The following SMARCC2 variants were observed in gnomAD, a reference collection of about 807,000 sequenced individuals.
SMARCC2 encodes the protein SWI/SNF complex subunit SMARCC2.
In SMARCC2, 15 loss-of-function variants were observed where a neutral mutation model predicts 151.3. The ratio of observed to expected loss-of-function variants is 0.10; its 90% CI spans 0.07 to 0.15. The LOEUF (loss-of-function observed/expected upper bound fraction) is 0.15. SMARCC2 is among the 10% of genes least tolerant of loss of function. The pLI, the probability that SMARCC2 is intolerant of heterozygous loss-of-function variation, is 1.00. For synonymous variants in SMARCC2, 590 were observed against 609.5 expected (o/e 0.97, Z 0.47); for missense variants, 1,031 against 1,599.7 (o/e 0.64, Z 6.06).
rs893741242 is a variant in SMARCC2 at position 56,162,406 on chromosome 12, G to GA, written c.*1282dup. ...TATAAAAAAAAAAAAAAGAAAGAAA[G>GA]AAAAAAAGAGAAAATTTACAGAAAA... On this transcript the variant is annotated 3_prime_UTR_variant, in exon 29 of 29. Coordinates refer to ENST00000550164, the MANE Select transcript of SMARCC2 (RefSeq NM_001330288.2). 4 of 636,002 alleles carry GA rather than the reference G, an allele frequency of 6.3e-6. No homozygotes were observed. In the African/African-American group the frequency reaches 7.5e-5, roughly 12 times the overall value. The allele number at this position is 636,002 out of a possible 1,614,324, so 39.4% of individuals were successfully genotyped here.
intron 15 of SMARCC2, among the ~76,000 whole-genome samples, chr12:56,175,385 G>A (rs1338240216): frequency 6.6e-6 from 1 of 152,220 alleles, no homozygotes; most frequent in African/African-American, 2.4e-5. Context: ...TTAAAAGGAA[G>A]TCCTTATTCA....
chr12:56,163,095 ACGAATGAACT>A lies in SMARCC2; in HGVS notation c.*584_*593del, dbSNP rs1872104075. 6.6e-6 allele frequency: 1 copy of A among 152,114 alleles called. No homozygotes were observed. Among genetic ancestry groups the A allele is most frequent in the African/African-American group, 2.4e-5 (1 of 41,402 alleles). The allele number at this position is 152,114 out of a possible 1,614,324, so 9.4% of individuals were successfully genotyped here. On this transcript the variant is annotated 3_prime_UTR_variant, in exon 29 of 29. Coordinates refer to ENST00000550164, the MANE Select transcript of SMARCC2 (RefSeq NM_001330288.2). ...GGAAGCCGCAGGAGGGATTATTAGT[ACGAATGAACT>A]CGAATAAGCTCAGCGTAGGGTGGGG... is the stretch of plus-strand genomic sequence containing the variant.
At position 56,181,492 on chromosome 12, in the gene SMARCC2, C is replaced by T. The variant is rs758506602; in HGVS notation, c.946G>A (p.Ala316Thr). 9.1e-6 allele frequency: 14 copies of T among 1,532,742 alleles called. 1 individual carries two copies. In the East Asian group the frequency reaches 2.9e-4, roughly 32 times the overall value. 94.9% of individuals were successfully genotyped at this position (1,532,742 alleles called of 1,614,324 possible). The part of the protein sequence containing the change: ...SPTPEAKKKN[A>T]KKGPSTPYTK... ...TAGGGGCTGGCACACCCTTTCTTAG[C>T]ATTTTTCTTCTTTGCTTCTGGGGTT... Residue 316 changes from alanine to threonine, a missense_variant, in exon 10 of 29, where the codon GCT (alanine) becomes ACT (threonine). Around this residue, in one of 12 missense-constraint regions of SMARCC2, gnomAD observed 127 missense variants for 141.7 expected, o/e 0.90. Coordinates refer to ENST00000550164, the MANE Select transcript of SMARCC2 (RefSeq NM_001330288.2).
At chr12:56,173,410 G>C (rs760241058) in intron 17 of SMARCC2, among the ~76,000 whole-genome samples, 2 of 152,118 alleles carry the variant, frequency 1.3e-5, no homozygotes, top group Non-Finnish European at 2.9e-5. Flanking sequence ...AAAATTTCAT[G>C]CAAGTTAATT....
intron 26 of SMARCC2, among the ~76,000 whole-genome samples, chr12:56,166,061 T>A (rs1872717552): frequency 6.6e-6 from 1 of 152,254 alleles, no homozygotes; most frequent in Non-Finnish European, 1.5e-5. Flanking sequence ...TCACTGTTCT[T>A]AGGAAGCTAT....
rs1386042881 is a variant in SMARCC2 at position 56,172,248 on chromosome 12, T to G, written c.1926+180A>C. Reference sequence around the variant, plus strand: ...GGTGTGTGCCACCACACCTGGCTAATTTTTAAAATTTTTCGTAGAGACGGA... The same window carrying G: ...GGTGTGTGCCACCACACCTGGCTAAGTTTTAAAATTTTTCGTAGAGACGGA... On this transcript the variant is annotated intron_variant, in intron 20 of 28. Coordinates refer to ENST00000550164, the MANE Select transcript of SMARCC2 (RefSeq NM_001330288.2). 4 of 573,340 alleles carry G rather than the reference T, an allele frequency of 7.0e-6. No homozygotes were observed. In the Admixed American group the frequency reaches 1.4e-4, roughly 21 times the overall value. The allele number at this position is 573,340 out of a possible 1,614,324, so 35.5% of individuals were successfully genotyped here. A position where few individuals can be genotyped will look rare whatever the true frequency, so the allele number is the denominator to read the frequency against.
At chr12:56,164,009 T>A (rs1872286794) in intron 28 of SMARCC2, among the ~76,000 whole-genome samples, 1 of 152,178 alleles carries the variant, frequency 6.6e-6, no homozygotes, top group African/African-American at 2.4e-5. Flanking sequence ...TGCCACTCAA[T>A]CATCATGCAA....
At chr12:56,169,484 G>A (rs1181025745) in intron 25 of SMARCC2, 45 bp downstream of exon 25, 3 of 1,598,000 alleles carry the variant, frequency 1.9e-6, no homozygotes, top group African/African-American at 1.3e-5. Flanking sequence ...TGAGATTAGA[G>A]AAGTGGACAT....
In SMARCC2 at chr12:56,187,258, C is replaced by T. The variant is rs371293778; in HGVS notation, c.160G>A (p.Val54Ile). The T allele has an allele frequency of 1.3e-5, 21 of 1,613,674 alleles. No homozygotes were observed. The highest frequency in any genetic ancestry group is 8.8e-5 in the South Asian group (8 of 91,066). Residue 54 changes from valine (V) to isoleucine (I), a missense_variant, in exon 2 of 29, where the codon GTA (valine) becomes ATA (isoleucine). By Grantham distance (29) the Val-to-Ile change is conservative (BLOSUM62 3). This residue lies in a region of SMARCC2 where 14 missense variants were observed against 45.4 expected (regional missense o/e 0.31). Transcript: ENST00000550164. ...PTNKSLSSLV[V>I]QLLQFQEEVF... ...TCTTCCTGAAATTGTAGCAACTGTACAACCAGGCTAGACAGGGACTTGTTG... is the reference window on the plus strand; with the variant it reads ...TCTTCCTGAAATTGTAGCAACTGTATAACCAGGCTAGACAGGGACTTGTTG...
In SMARCC2 at chr12:56,185,084, T is replaced by C. The variant is rs770578859; in HGVS notation, c.345A>G (p.Ser115=). 8.7e-6 allele frequency: 14 copies of C among 1,614,098 alleles called. No individual in the cohort carries two copies. In the East Asian group the frequency reaches 8.9e-5, roughly 10 times the overall value. ...ACATTTCCACATTGCGGTCCATGCG[T>C]GATGGATTCTGGAAATCGTAACGCC... ...GWRRYDFQNP[S]RMDRNVEMFM... is the part of the protein sequence containing the mutation. Residue 115 remains serine (S), a synonymous_variant, in exon 4 of 29, where the codon TCA becomes TCG. Transcript: ENST00000550164.
chr12:56,170,293 A>G, intron 22 of SMARCC2, 85 bp from the exon 23 acceptor site: 1 of 1,230,680 alleles, frequency 8.1e-7, no homozygotes, highest in Admixed American at 1.8e-5. Context: ...TTTTAGAGAC[A>G]GGGTCTTGCT....
chr12:56,171,293 G>T lies in SMARCC2; in HGVS notation c.2325C>A (p.Thr775=), dbSNP rs989869237. ...GLESSGIAGT[T]SDEPERIEES... is the part of the protein sequence containing the mutation. ...TACCAATCCGCTCAGGCTCATCAGA[G>T]GTGGTTCCTGCAATGCCACTGCTTT... Residue 775 remains threonine (T), a synonymous_variant, in exon 22 of 29, where the codon ACC becomes ACA. Transcript: ENST00000550164. This position sits in a 1 kb window ranked among gnomAD's most constrained non-coding sequence, Gnocchi z 4.2. 3 of 1,614,218 alleles carry T rather than the reference G, an allele frequency of 1.9e-6. No individual in the cohort carries two copies. Among genetic ancestry groups the T allele is most frequent in the Non-Finnish European group, 2.5e-6 (3 of 1,180,032 alleles).
rs975555360 is a variant in SMARCC2 at position 56,171,143 on chromosome 12, TAAA to T, written c.2347+125_2347+127del. The T allele has an allele frequency of 4.3e-5, 38 of 881,042 alleles. No homozygotes were observed. Among genetic ancestry groups the T allele is most frequent in the Admixed American group, 2.6e-4 (10 of 39,042 alleles). The allele number at this position is 881,042 out of a possible 1,614,324, so 54.6% of individuals were successfully genotyped here. A position where few individuals can be genotyped will look rare whatever the true frequency, so the allele number is the denominator to read the frequency against. Reference sequence around the variant, plus strand: ...CCCTGAGGTAAACTCATGGGGAAAATAAAAACCCTACCAATGTTCTCATTCATG... The same window carrying T: ...CCCTGAGGTAAACTCATGGGGAAAATAACCCTACCAATGTTCTCATTCATG... On this transcript the variant is annotated intron_variant, in intron 22 of 28. Coordinates refer to ENST00000550164, the MANE Select transcript of SMARCC2 (RefSeq NM_001330288.2). This position sits in a 1 kb window ranked among gnomAD's most constrained non-coding sequence, Gnocchi z 4.2.
chr12:56,184,403 C>G, intron 5 of SMARCC2, 159 bp from the exon 6 acceptor site: 1 of 604,166 alleles, frequency 1.7e-6, no homozygotes, highest in Non-Finnish European at 3.0e-6. Flanking sequence ...AGGGAAACAG[C>G]TGGGATTGTG....
intron 19 of SMARCC2, 27 bp downstream of exon 19, chr12:56,172,558 C>A (rs1216536704): frequency 1.2e-6 from 2 of 1,614,070 alleles, no homozygotes; most frequent in Admixed American, 1.7e-5. Flanking sequence ...ACATTCTCTA[C>A]CCCTAGAGTC....
Position 56,173,803 on chromosome 12 carries a change from C to G in SMARCC2, c.1543G>C (p.Asp515His). 2 of 1,613,986 alleles carry G rather than the reference C, an allele frequency of 1.2e-6. No individual in the cohort carries two copies. The highest frequency in any genetic ancestry group is 1.7e-6 in the Non-Finnish European group (2 of 1,179,932). The change falls in exon 17 of 29, where the codon GAT becomes CAT. Residue 515 changes from aspartate to histidine, a missense_variant. This residue lies in a region of SMARCC2 where 99 missense variants were observed against 148.3 expected (regional missense o/e 0.67). Transcript: ENST00000550164. ...ATTGGGGTTGGTCGACTCTCAGCAT[C>G]CACCTGGTAGTTAATAAGACCCCAC... Reference protein sequence around the residue: ...EQWGLINYQVDAESRPTPMGP... With the variant: ...EQWGLINYQVHAESRPTPMGP...
chr12:56,164,864 C>A, intron 27 of SMARCC2, 133 bp from the exon 28 acceptor site: 2 of 748,770 alleles, frequency 2.7e-6, no homozygotes, highest in Non-Finnish European at 4.2e-6. Context: ...TCTTGGCTCA[C>A]TGCAACCTCC....
intron 17 of SMARCC2, 111 bp from the exon 18 acceptor site, chr12:56,173,140 T>C: frequency 1.2e-6 from 1 of 820,882 alleles, no homozygotes; most frequent in Non-Finnish European, 2.0e-6. Flanking sequence ...GGGGCACTCA[T>C]GCCACTGTTC....
At chr12:56,163,969 A>G (rs998960627) in intron 28 of SMARCC2, among the ~76,000 whole-genome samples, 1 of 152,152 alleles carries the variant, frequency 6.6e-6, no homozygotes, top group Non-Finnish European at 1.5e-5. Context: ...TATATGGGGC[A>G]TTTGAACGTG....
Sources: gnomAD v4.1 joint callset for allele counts (sites outside exome capture counted in the v4.1 genomes callset) on GRCh38, gnomAD v4.1.1 for gene constraint, gnomAD v4.1.1 regional missense constraint, Gnocchi (gnomAD v3.1) non-coding constraint, MANE v1.5 for transcripts, NCBI Gene and HGNC (gene_info 2026-07-23, HGNC 2026-07-21) for gene names.